Variants in BLCAP observed in about 807,000 individuals in gnomAD.
The protein encoded by BLCAP is apoptosis inducing factor BLCAP.
A neutral mutation model predicts 5.7 loss-of-function variants in BLCAP; 1 was observed. That is an observed-to-expected ratio of 0.18 (90% CI 0.06 to 0.83). The LOEUF (loss-of-function observed/expected upper bound fraction) is 0.83. BLCAP is among the 40% of genes least tolerant of loss of function. The pLI is 0.71. For synonymous variants in BLCAP, 48 were observed against 49.4 expected (o/e 0.97, Z 0.11); for missense variants, 66 against 107.6 (o/e 0.61, Z 1.71).
At chr20:37,526,066 T>C (rs1242470154) in intron 1 of BLCAP, among the ~76,000 whole-genome samples, 1 of 152,190 alleles carries the variant, frequency 6.6e-6, no homozygotes, top group East Asian at 1.9e-4. Context: ...GTTACCTTTA[T>C]CTGTGGAATA....
chr20:37,522,805 G>C (rs1390218849), intron 1 of BLCAP: 1 of 1,514,482 alleles, frequency 6.6e-7, no homozygotes, highest in East Asian at 2.4e-5. Context: ...AGGTGCTCCT[G>C]TGCATCTCGG....
chr20:37,521,070 G>T lies in BLCAP; in HGVS notation c.-176-1720C>A. 1 of 540,266 alleles carries T rather than the reference G, an allele frequency of 1.9e-6. No homozygotes were observed. Among genetic ancestry groups the T allele is most frequent in the Non-Finnish European group, 3.3e-6 (1 of 299,038 alleles). 33.5% of individuals were successfully genotyped at this position (540,266 alleles called of 1,614,324 possible). ...AAGCACGGCGGAATCTTCTGGAAGG[G>T]GGCTAAGATGGAACTCAGGAGGCGG... On this transcript the variant is annotated intron_variant, in intron 1 of 1. Transcript: ENST00000373537. The surrounding 1 kb of genome is among the most constrained non-coding windows in gnomAD (Gnocchi z 4.5).
rs1601089893 is a variant in BLCAP, at chr20:37,521,154, G to C, written c.-176-1804C>G. ...TTTCCTCTCCTGGCGAATGAGGAGC[G>C]CCCCCAGCCACCCCTCCTCATAAAC... On this transcript the variant is annotated intron_variant, in intron 1 of 1. Coordinates refer to ENST00000373537, the MANE Select transcript of BLCAP (RefSeq NM_006698.4). This position sits in a 1 kb window ranked among gnomAD's most constrained non-coding sequence, Gnocchi z 4.5. 1 of 669,956 alleles carries C rather than the reference G, an allele frequency of 1.5e-6. No homozygotes were observed. Among genetic ancestry groups the C allele is most frequent in the Non-Finnish European group, 2.7e-6 (1 of 373,620 alleles). The allele number at this position is 669,956 out of a possible 1,614,324, so 41.5% of individuals were successfully genotyped here.
chr20:37,527,001 A>C (rs2071733541), intron 1 of BLCAP: 1 of 152,178 alleles, frequency 6.6e-6, no homozygotes, highest in Admixed American at 6.5e-5. Flanking sequence ...ATAAACAGAA[A>C]GGCTGTTTCT....
chr20:37,522,512 C>T, intron 1 of BLCAP: 3 of 1,501,002 alleles, frequency 2.0e-6, no homozygotes, highest in Middle Eastern at 2.3e-4. Flanking sequence ...CTCCAGCTGC[C>T]CTGACTCGTG....
At position 37,518,645 on chromosome 20, in the gene BLCAP, G is replaced by A; in HGVS notation, c.*266C>T. Reference sequence around the variant, plus strand: ...GACTCCTCACAGTAATGAGGCGAGAGGGGTGGTCATGCGGCCAGCCAGGAC... The same window carrying A: ...GACTCCTCACAGTAATGAGGCGAGAAGGGTGGTCATGCGGCCAGCCAGGAC... On this transcript the variant is annotated 3_prime_UTR_variant, in exon 2 of 2. Coordinates refer to ENST00000373537, the MANE Select transcript of BLCAP (RefSeq NM_006698.4). 1 of 492,188 alleles carries A rather than the reference G, an allele frequency of 2.0e-6. No homozygotes were observed. 30.5% of individuals were successfully genotyped at this position (492,188 alleles called of 1,614,324 possible).
intron 1 of BLCAP, among the ~76,000 whole-genome samples, chr20:37,522,152 G>A (rs1289997037): frequency 1.2e-4 from 16 of 132,152 alleles, no homozygotes; most frequent in Non-Finnish European, 2.0e-4. Context: ...GGGAAAAAAA[G>A]CACTTCCAAA....
Position 37,521,290 on chromosome 20 carries a change from C to T in BLCAP, c.-176-1940G>A. 3 of 1,605,880 alleles carry T rather than the reference C, an allele frequency of 1.9e-6. No individual in the cohort carries two copies. Among genetic ancestry groups the T allele is most frequent in the East Asian group, 2.2e-5 (1 of 44,792 alleles). ...GGACTCCGAGACCAGCGGATCTCGG[C>T]AAACCCTCTTTCTCGACCACCCACC... On this transcript the variant is annotated intron_variant, in intron 1 of 1. Coordinates refer to ENST00000373537, the MANE Select transcript of BLCAP (RefSeq NM_006698.4). This position sits in a 1 kb window ranked among gnomAD's most constrained non-coding sequence, Gnocchi z 4.5.
Position 37,521,247 on chromosome 20 carries a change from G to A in BLCAP, c.-176-1897C>T, listed in dbSNP as rs2071556974. 7 of 1,418,022 alleles carry A rather than the reference G, an allele frequency of 4.9e-6. No individual in the cohort carries two copies. In the South Asian group the frequency reaches 5.8e-5, roughly 12 times the overall value. The allele number at this position is 1,418,022 out of a possible 1,614,324, so 87.8% of individuals were successfully genotyped here. ...CTTAAGGCGCGGCCACCGCGGCTGC[G>A]GCAGTGCGCCCAACAGCGGACTCCG... On this transcript the variant is annotated intron_variant, in intron 1 of 1. Coordinates refer to ENST00000373537, the MANE Select transcript of BLCAP (RefSeq NM_006698.4). This position sits in a 1 kb window ranked among gnomAD's most constrained non-coding sequence, Gnocchi z 4.5.
intron 1 of BLCAP, chr20:37,523,023 C>A: frequency 4.6e-6 from 2 of 437,844 alleles, no homozygotes; most frequent in South Asian, 4.8e-5. Context: ...GGGGAGCAGA[C>A]CCCTGAGATC....
chr20:37,521,142 C>G lies in BLCAP; in HGVS notation c.-176-1792G>C. 7.6e-6 allele frequency: 5 copies of G among 657,602 alleles called. No individual in the cohort carries two copies. Among genetic ancestry groups the G allele is most frequent in the Non-Finnish European group, 1.4e-5 (5 of 365,934 alleles). The allele number at this position is 657,602 out of a possible 1,614,324, so 40.7% of individuals were successfully genotyped here. On this transcript the variant is annotated intron_variant, in intron 1 of 1. Transcript: ENST00000373537. The surrounding 1 kb of genome is among the most constrained non-coding windows in gnomAD (Gnocchi z 4.5). ...ATGGATTATTTTTTTCCTCTCCTGG[C>G]GAATGAGGAGCGCCCCCAGCCACCC...
In BLCAP at chr20:37,518,651, G is replaced by T; in HGVS notation, c.*260C>A. ...TCACAGTAATGAGGCGAGAGGGGTG[G>T]TCATGCGGCCAGCCAGGACCTAGAT... On this transcript the variant is annotated 3_prime_UTR_variant, in exon 2 of 2. Transcript: ENST00000373537. 2.0e-6 allele frequency: 1 copy of T among 506,208 alleles called. No individual in the cohort carries two copies. The highest frequency in any genetic ancestry group is 3.5e-6 in the Non-Finnish European group (1 of 282,608). 31.4% of individuals were successfully genotyped at this position (506,208 alleles called of 1,614,324 possible).
At chr20:37,523,915 G>T (rs573106189) in intron 1 of BLCAP, among the ~76,000 whole-genome samples, 1 of 152,144 alleles carries the variant, frequency 6.6e-6, no homozygotes, top group Non-Finnish European at 1.5e-5. Flanking sequence ...ATCTTCACTT[G>T]TGGTCCTGGA....
chr20:37,518,960 T>C lies in BLCAP; in HGVS notation c.215A>G (p.Asp72Gly). 6.2e-7 allele frequency: 1 copy of C among 1,614,186 alleles called. No homozygotes were observed. The part of the protein sequence containing the change: ...WGNCFLYHCS[D>G]SPLPESAHDP... ...ATGCGCCGATTCTGGAAGCGGGGAA[T>C]CGGAGCAGTGGTACAGGAAACAGTT... Residue 72 changes from aspartate (D) to glycine (G), a missense_variant, in exon 2 of 2, where the codon GAT becomes GGT. By Grantham distance (94) the Asp-to-Gly change is moderately conservative (BLOSUM62 -1). Coordinates refer to ENST00000373537, the MANE Select transcript of BLCAP (RefSeq NM_006698.4).
intron 1 of BLCAP, chr20:37,522,547 C>G: frequency 7.3e-7 from 1 of 1,361,666 alleles, no homozygotes; most frequent in South Asian, 1.3e-5. Flanking sequence ...GCGCCCGCCT[C>G]TCCAGCCTAC....
intron 1 of BLCAP, among the ~76,000 whole-genome samples, chr20:37,519,589 C>CT (rs551933095): frequency 1.8e-4 from 27 of 152,342 alleles, no homozygotes; most frequent in African/African-American, 6.5e-4. Context: ...CTCCCCGGGG[C>CT]TTCTCCTGGG....
At chr20:37,520,517 C>T (rs2071530548) in intron 1 of BLCAP, 1 of 152,332 alleles carries the variant, frequency 6.6e-6, no homozygotes, top group Admixed American at 6.5e-5. Flanking sequence ...CATATTCCAA[C>T]CACTTCTCCG....
chr20:37,519,178 C>T lies in BLCAP; in HGVS notation c.-4G>A, dbSNP rs59748564. 4 of 1,575,388 alleles carry T rather than the reference C, an allele frequency of 2.5e-6. No homozygotes were observed. The highest frequency in any genetic ancestry group is 3.4e-6 in the Non-Finnish European group (4 of 1,160,378). ...GCAGCCACTGGAGGCAATACATGAT[C>T]TCTGCCGGGCAGGGCCTTCACCAAG... On this transcript the variant is annotated 5_prime_UTR_variant, in exon 2 of 2. Coordinates refer to ENST00000373537, the MANE Select transcript of BLCAP (RefSeq NM_006698.4).
At position 37,519,081 on chromosome 20, in the gene BLCAP, A is replaced by T; in HGVS notation, c.94T>A (p.Tyr32Asn). The stretch of plus-strand genomic sequence containing the variant: ...CGTTCCAGGAGGAAGCTGAGCAGGT[A>T]GAAGCCCATGAACATGGAGTGGCTG... ...WFSHSMFMGF[Y>N]LLSFLLERKP... is the part of the protein sequence containing the mutation. The change falls in exon 2 of 2, where the codon TAC becomes AAC. Residue 32 changes from tyrosine (Y) to asparagine (N), a missense_variant. Tyr to Asn is a moderately radical substitution (Grantham distance 143). Coordinates refer to ENST00000373537, the MANE Select transcript of BLCAP (RefSeq NM_006698.4). The T allele has an allele frequency of 6.2e-7, 1 of 1,614,138 alleles. No individual in the cohort carries two copies. The highest frequency in any genetic ancestry group is 8.5e-7 in the Non-Finnish European group (1 of 1,180,026).
Sources: gnomAD v4.1 joint callset for allele counts (sites outside exome capture counted in the v4.1 genomes callset) on GRCh38, gnomAD v4.1.1 for gene constraint, Gnocchi (gnomAD v3.1) non-coding constraint, MANE v1.5 for transcripts, NCBI Gene and HGNC (gene_info 2026-07-23, HGNC 2026-07-21) for gene names.